Variants in CORIN observed in about 807,000 individuals in gnomAD.
CORIN encodes the protein atrial natriuretic peptide-converting enzyme.
CORIN carries 117 observed loss-of-function variants against 125.3 expected under a neutral mutation model. The observed-to-expected ratio is 0.93, with a 90% CI of 0.80 to 1.09. The LOEUF is 1.09. Ranked by LOEUF, CORIN falls within the 50% of genes least tolerant of loss-of-function variation. The pLI is 0.00. For missense variants in CORIN, 1,253 were observed against 1,306.7 expected (o/e 0.96, Z 0.63); for synonymous variants, 450 against 466.4 (o/e 0.96, Z 0.45).
chr4:47,796,467 A>AAT (rs1484155057), intron 2 of CORIN, among the ~76,000 whole-genome samples: 3 of 152,110 alleles, frequency 2.0e-5, no homozygotes, highest in Non-Finnish European at 4.4e-5. Flanking sequence ...AAGTTTCAGT[A>AAT]ATATAAGATA....
chr4:47,674,551 A>G (rs368190022), intron 9 of CORIN, 51 bp from the exon 10 acceptor site: 2 of 1,097,280 alleles, frequency 1.8e-6, no homozygotes, highest in Admixed American at 1.7e-5. Flanking sequence ...CAAATTCCTT[A>G]CCTAAGGATC....
At chr4:47,788,848 CG>C (rs1229415622) in intron 2 of CORIN, among the ~76,000 whole-genome samples, 1 of 152,094 alleles carries the variant, frequency 6.6e-6, no homozygotes, top group African/African-American at 2.4e-5. Flanking sequence ...CAATTGTTCA[CG>C]GTTGTACCCT....
intron 5 of CORIN, among the ~76,000 whole-genome samples, chr4:47,738,287 A>G (rs992452274): frequency 1.3e-5 from 2 of 152,200 alleles, no homozygotes; most frequent in Non-Finnish European, 2.9e-5. Context: ...AAACTCTGCT[A>G]TAGTATTGAC....
At chr4:47,751,506 T>C (rs1728898549) in intron 4 of CORIN, among the ~76,000 whole-genome samples, 2 of 152,372 alleles carry the variant, frequency 1.3e-5, no homozygotes, top group Middle Eastern at 6.8e-3. Context: ...GTACTCTCTC[T>C]AATATATGGT....
intron 9 of CORIN, 149 bp from the exon 10 acceptor site, chr4:47,674,649 A>T: frequency 1.7e-6 from 1 of 592,254 alleles, no homozygotes; most frequent in South Asian, 2.2e-5. Context: ...ACGTACGTTG[A>T]ATAGGTGCTT....
At chr4:47,708,991 T>G (rs927216792) in intron 5 of CORIN, among the ~76,000 whole-genome samples, 1 of 152,228 alleles carries the variant, frequency 6.6e-6, no homozygotes, top group Non-Finnish European at 1.5e-5. Flanking sequence ...CAGCTACAAG[T>G]GCTTGTGACT....
intron 5 of CORIN, among the ~76,000 whole-genome samples, chr4:47,698,094 G>T (rs1316759374): frequency 6.6e-6 from 1 of 151,168 alleles, no homozygotes; most frequent in Non-Finnish European, 1.5e-5. Context: ...ATGTATTTTT[G>T]AATACAGAAT....
intron 10 of CORIN, among the ~76,000 whole-genome samples, chr4:47,673,221 A>C (rs1724849146): frequency 8.1e-6 from 1 of 123,870 alleles, no homozygotes; most frequent in Non-Finnish European, 1.7e-5. Flanking sequence ...TAAATAAATA[A>C]ATAAATTAGC....
chr4:47,709,228 T>G (rs1005017787), intron 5 of CORIN, among the ~76,000 whole-genome samples: 10 of 152,216 alleles, frequency 6.6e-5, no homozygotes, highest in Non-Finnish European at 1.3e-4. Flanking sequence ...GCTGAACAGA[T>G]AGATAAATCC....
chr4:47,638,000 G>T (rs1199905540), intron 16 of CORIN, among the ~76,000 whole-genome samples: 4 of 152,340 alleles, frequency 2.6e-5, no homozygotes, highest in East Asian at 3.9e-4. Flanking sequence ...GGGCAGAGCT[G>T]CCCAAGACCC....
intron 5 of CORIN, among the ~76,000 whole-genome samples, chr4:47,729,200 T>C (rs978628578): frequency 3.3e-5 from 5 of 152,114 alleles, no homozygotes; most frequent in Admixed American, 6.5e-5. Flanking sequence ...TCAAAAGAAG[T>C]TGTTAGGGAC....
chr4:47,623,275 T>C (rs1722408300), intron 19 of CORIN, among the ~76,000 whole-genome samples: 1 of 152,114 alleles, frequency 6.6e-6, no homozygotes. Context: ...ATGTGATATA[T>C]TTAAGAGGTC....
At chr4:47,674,553 C>G in intron 9 of CORIN, 53 bp from the exon 10 acceptor site, 2 of 1,064,068 alleles carry the variant, frequency 1.9e-6, no homozygotes, top group Non-Finnish European at 2.9e-6. Flanking sequence ...AATTCCTTAC[C>G]TAAGGATCTA....
intron 2 of CORIN, among the ~76,000 whole-genome samples, chr4:47,798,126 C>A (rs539608111): frequency 6.6e-6 from 1 of 152,298 alleles, no homozygotes; most frequent in South Asian, 2.1e-4. Context: ...ACCTTTGTAG[C>A]TCTAGCTTCA....
chr4:47,683,798 G>T lies in CORIN; in HGVS notation c.954C>A (p.Cys318Ter), dbSNP rs747088178. 16 of 1,613,474 alleles carry T rather than the reference G, an allele frequency of 9.9e-6. No individual in the cohort carries two copies. In the East Asian group the frequency reaches 3.3e-4, roughly 34 times the overall value. Reference sequence around the variant, plus strand: ...CATCACACACAAGGCTGTAATTAAGGCACTTGCCTGTGTGACAGTGAAACA... The same window carrying T: ...CATCACACACAAGGCTGTAATTAAGTCACTTGCCTGTGTGACAGTGAAACA... ...ENLFHCHTGK[C>*]LNYSLVCDGY... The change falls in exon 7 of 22, where the codon TGC becomes TGA. Residue 318 changes from cysteine to a stop codon, truncating the protein, a stop_gained. Coordinates refer to ENST00000273857, the MANE Select transcript of CORIN (RefSeq NM_006587.4). LOFTEE classifies it high-confidence loss of function.
At chr4:47,772,811 T>G (rs555439744) in intron 3 of CORIN, among the ~76,000 whole-genome samples, 52 of 152,304 alleles carry the variant, frequency 3.4e-4, no homozygotes, top group African/African-American at 1.2e-3. Context: ...TCACAAAAAC[T>G]CTGTGAACTA....
chr4:47,670,548 T>G (rs1724701687), intron 10 of CORIN, among the ~76,000 whole-genome samples: 1 of 152,092 alleles, frequency 6.6e-6, no homozygotes, highest in Non-Finnish European at 1.5e-5. Context: ...TCTTCCTTGG[T>G]GTTGAATAAG....
At chr4:47,618,797 C>CG (rs1246480046) in intron 19 of CORIN, among the ~76,000 whole-genome samples, 1 of 149,710 alleles carries the variant, frequency 6.7e-6, no homozygotes, top group Non-Finnish European at 1.5e-5. Context: ...CTAGCTTGGG[C>CG]ACAGAGCGAG....
chr4:47,729,823 A>C (rs1727781293), intron 5 of CORIN, among the ~76,000 whole-genome samples: 1 of 152,172 alleles, frequency 6.6e-6, no homozygotes, highest in Non-Finnish European at 1.5e-5. Context: ...TATCGGAACC[A>C]GCAGATCAGT....
Sources: allele counts gnomAD v4.1 joint callset (sites outside exome capture counted in the v4.1 genomes callset), GRCh38; gene constraint gnomAD v4.1.1; transcripts MANE v1.5; gene names NCBI Gene and HGNC (gene_info 2026-07-23, HGNC 2026-07-21).